The following PDZK1 variants were observed in gnomAD, a reference collection of about 807,000 sequenced individuals.
PDZK1 encodes the protein Na(+)/H(+) exchange regulatory cofactor NHE-RF3.
Under a neutral mutation model 38.1 loss-of-function variants are expected in PDZK1, and 23 were observed. The observed-to-expected ratio is 0.60, with a 90% CI of 0.43 to 0.85. The LOEUF is 0.85. Among genes scored for constraint, PDZK1 ranks in the 40% least tolerant of loss-of-function variants. PDZK1 has a pLI of 0.00. For synonymous variants in PDZK1, 98 were observed against 186.2 expected, an observed-to-expected ratio of 0.53 and a Z score of 3.86; for missense variants, 297 against 504.3, an observed-to-expected ratio of 0.59 and a Z score of 3.94.
intron 6 of PDZK1, among the ~76,000 whole-genome samples, chr1:145,677,648 T>G (rs1287176568): frequency 2.0e-5 from 3 of 151,780 alleles, no homozygotes; most frequent in African/African-American, 7.3e-5. Flanking sequence ...CCACCTTCAG[T>G]CTTTACTAAG....
At position 145,695,142 on chromosome 1, in the gene PDZK1, C is replaced by T. The variant is rs376910574; in HGVS notation, c.-2-7119G>A. Among the ~76,000 whole-genome samples the T allele has an allele frequency of 6.8e-4, 103 of 152,050 alleles. No homozygotes were observed. The South Asian group carries it at 0.015, about 23-fold the overall frequency. On this transcript the variant is annotated intron_variant, in intron 1 of 8. Transcript: ENST00000417171. ...TGAAAGTGGGAAAGTTTGCCAGGTG[C>T]GGTGGCTCACACCTGTAATCCCAAC... is the stretch of plus-strand genomic sequence containing the variant.
At chr1:145,691,802 C>G (rs1559074193) in intron 1 of PDZK1, 1 of 151,794 alleles carries the variant, frequency 6.6e-6, no homozygotes, top group Non-Finnish European at 1.5e-5. Context: ...AGAATGAGAC[C>G]CTGTTTCAAA....
intron 3 of PDZK1, among the ~76,000 whole-genome samples, chr1:145,684,529 T>C (rs1274649397): frequency 6.6e-6 from 1 of 152,174 alleles, no homozygotes; most frequent in Non-Finnish European, 1.5e-5. Context: ...TTTTTATTGA[T>C]ACATAACATT....
At chr1:145,700,505 A>G (rs1403658366) in intron 1 of PDZK1, among the ~76,000 whole-genome samples, 1 of 152,188 alleles carries the variant, frequency 6.6e-6, no homozygotes, top group Admixed American at 6.5e-5. Flanking sequence ...TGGCCCAGAG[A>G]GGGACCTTCA....
chr1:145,672,729 C>T lies in PDZK1; in HGVS notation c.1506+1G>A, dbSNP rs587598672. ...ACGAAAAGAAATAGGCCCCCACTCA[C>T]CCGTTCTTTTGCCATGTGCGAGTCA... On this transcript the variant is annotated splice_donor_variant, in intron 8 of 8. Transcript: ENST00000417171. LOFTEE classifies it high-confidence loss of function. 1.9e-5 allele frequency: 31 copies of T among 1,611,904 alleles called. No individual in the cohort carries two copies. The highest frequency in any genetic ancestry group is 2.7e-5 in the African/African-American group (2 of 74,974).
chr1:145,686,293 T>G (rs1489647446), intron 3 of PDZK1, among the ~76,000 whole-genome samples, 184 bp downstream of exon 3: 1 of 151,936 alleles, frequency 6.6e-6, no homozygotes, highest in Non-Finnish European at 1.5e-5. Flanking sequence ...TGCACAACTG[T>G]GCAAGGCAAG....
At chr1:145,700,210 G>T (rs1655883159) in intron 1 of PDZK1, among the ~76,000 whole-genome samples, 1 of 152,144 alleles carries the variant, frequency 6.6e-6, no homozygotes, top group Non-Finnish European at 1.5e-5. Flanking sequence ...AAAAGTCAGG[G>T]CTGGAGATTT....
rs1334646570 is a variant in PDZK1, at chr1:145,681,775, G to T, written c.598-668C>A. Reference sequence around the variant, plus strand: ...TCAAAAAATCATTCTACAAAGAGAAGGTTGGTCAATTTTTAAGGTTCCATA... The same window carrying T: ...TCAAAAAATCATTCTACAAAGAGAATGTTGGTCAATTTTTAAGGTTCCATA... On this transcript the variant is annotated intron_variant, in intron 4 of 8. Coordinates refer to ENST00000417171, the MANE Select transcript of PDZK1 (RefSeq NM_001201325.2). Among the ~76,000 whole-genome samples, 38 of 108,096 alleles carry T rather than the reference G, an allele frequency of 3.5e-4. No individual in the cohort carries two copies. The East Asian group carries it at 8.3e-3, about 24-fold the overall frequency. 70.9% of individuals were successfully genotyped at this position (108,096 alleles called of 152,430 possible). A position where few individuals can be genotyped will look rare whatever the true frequency, so the allele number is the denominator to read the frequency against.
chr1:145,671,803 A>ATATT (rs782323581), intron 8 of PDZK1, among the ~76,000 whole-genome samples: 3 of 152,332 alleles, frequency 2.0e-5, no homozygotes, highest in Admixed American at 6.5e-5. Context: ...ATGTCTGTGT[A>ATATT]TATTTCTTTT....
At chr1:145,675,861 T>C (rs1553699149) in intron 6 of PDZK1, among the ~76,000 whole-genome samples, 1 of 151,346 alleles carries the variant, frequency 6.6e-6, no homozygotes, top group Non-Finnish European at 1.5e-5. Flanking sequence ...CTACTAAAAA[T>C]ATAAAAATTA....
At chr1:145,688,200 C>T (rs587701870) in intron 1 of PDZK1, among the ~76,000 whole-genome samples, 177 bp from the exon 2 acceptor site, 2 of 152,200 alleles carry the variant, frequency 1.3e-5, no homozygotes, top group African/African-American at 4.8e-5. Context: ...ATTTCCAAAT[C>T]TGTTTCCCCA....
At position 145,695,433 on chromosome 1, in the gene PDZK1, GGAGAGAGAGA is replaced by G. The variant is rs1177821600; in HGVS notation, c.-2-7420_-2-7411del. On this transcript the variant is annotated intron_variant, in intron 1 of 8. Coordinates refer to ENST00000417171, the MANE Select transcript of PDZK1 (RefSeq NM_001201325.2). ...GAGACACTGTCGAAAGAGAGAAAGA[GGAGAGAGAGA>G]GAGAGAGAAAGAGGAGAGCAAGAGA... Among the ~76,000 whole-genome samples the G allele has an allele frequency of 2.6e-4, 39 of 150,598 alleles. 1 individual carries two copies. The highest frequency in any genetic ancestry group is 8.8e-4 in the African/African-American group (36 of 41,036).
At chr1:145,690,632 T>C (rs1245469797) in intron 1 of PDZK1, among the ~76,000 whole-genome samples, 1 of 152,186 alleles carries the variant, frequency 6.6e-6, no homozygotes, top group Non-Finnish European at 1.5e-5. Context: ...AGCATATGAA[T>C]GCTCATTTCT....
intron 2 of PDZK1, 68 bp from the exon 3 acceptor site, chr1:145,686,794 A>T: frequency 1.4e-6 from 1 of 724,338 alleles, no homozygotes; most frequent in Non-Finnish European, 2.3e-6. Context: ...AATGCTGACC[A>T]TCTGGCTCAA....
intron 4 of PDZK1, among the ~76,000 whole-genome samples, chr1:145,682,009 A>AACACACACACACACAC (rs71077284): frequency 1.0e-4 from 11 of 108,262 alleles, no homozygotes; most frequent in East Asian, 5.6e-4. Context: ...ATCTCTACAA[A>AACACACACACACACAC]ACACACACAC....
Position 145,672,750 on chromosome 1 carries a change from A to G in PDZK1, c.1486T>C (p.Ser496Pro). 1 of 1,611,934 alleles carries G rather than the reference A, an allele frequency of 6.2e-7. No individual in the cohort carries two copies. Among genetic ancestry groups the G allele is most frequent in the Non-Finnish European group, 8.5e-7 (1 of 1,179,796 alleles). Residue 496 changes from serine to proline, a missense_variant, in exon 8 of 9, where the codon TCG (serine) becomes CCG (proline). Around this residue, in one of 5 missense-constraint regions of PDZK1, gnomAD observed 54 missense variants for 72.1 expected, o/e 0.75. Transcript: ENST00000417171. ...CTCACCCGTTCTTTTGCCATGTGCG[A>G]GTCATGGTTTGACTCCACCACTATT... ...EGIVVESNHD[S>P]HMAKERAHST...
chr1:145,701,711 C>T (rs1432522040), intron 1 of PDZK1, among the ~76,000 whole-genome samples: 3 of 152,182 alleles, frequency 2.0e-5, no homozygotes, highest in Non-Finnish European at 4.4e-5. Flanking sequence ...TGCCACAGAG[C>T]CTTGGCACAT....
chr1:145,677,570 T>TATC (rs1411587421), intron 6 of PDZK1, among the ~76,000 whole-genome samples: 6 of 152,046 alleles, frequency 3.9e-5, no homozygotes, highest in Non-Finnish European at 5.9e-5. Context: ...CTTACAAGAT[T>TATC]ATCTTGAAAA....
Position 145,671,078 on chromosome 1 carries a change from G to A in PDZK1, c.*358C>T. The A allele has an allele frequency of 4.4e-6, 1 of 227,094 alleles. No individual in the cohort carries two copies. The highest frequency in any genetic ancestry group is 8.8e-6 in the Non-Finnish European group (1 of 113,764). The allele number at this position is 227,094 out of a possible 1,614,324, so 14.1% of individuals were successfully genotyped here. A position where few individuals can be genotyped will look rare whatever the true frequency, so the allele number is the denominator to read the frequency against. On this transcript the variant is annotated 3_prime_UTR_variant, in exon 9 of 9. Transcript: ENST00000417171. ...ATCTGCTAAGATGCTTTTATAAGCA[G>A]CTGTCACCTATACAGAGTTATGAAT...
Sources: allele counts gnomAD v4.1 joint callset (sites outside exome capture counted in the v4.1 genomes callset), GRCh38; gene constraint gnomAD v4.1.1; regional missense constraint gnomAD v4.1.1; transcripts MANE v1.5; gene names NCBI Gene and HGNC (gene_info 2026-07-23, HGNC 2026-07-21).